ABCA13: variants seen among roughly 807,000 people sequenced by gnomAD.
ABCA13 encodes the protein ATP binding cassette subfamily A member 13.
Under a neutral mutation model 478.7 loss-of-function variants are expected in ABCA13, and 476 were observed. The observed-to-expected ratio is 0.99, with a 90% CI of 0.92 to 1.07. The LOEUF (loss-of-function observed/expected upper bound fraction) is 1.07. ABCA13 is among the 50% of genes least tolerant of loss of function. The pLI is 0.00. For missense variants in ABCA13, 6,060 were observed against 5,910.6 expected, an observed-to-expected ratio of 1.03 and a Z score of -0.83; for synonymous variants, 2,252 against 2,158.9, an observed-to-expected ratio of 1.04 and a Z score of -1.20.
intron 58 of ABCA13, among the ~76,000 whole-genome samples, chr7:48,599,874 A>G (rs1209790457): frequency 6.6e-6 from 1 of 152,106 alleles, no homozygotes; most frequent in Non-Finnish European, 1.5e-5. Context: ...TTGTCTATGC[A>G]AAGGAATATG....
At chr7:48,464,169 A>T (rs1826612693) in intron 43 of ABCA13, among the ~76,000 whole-genome samples, 1 of 152,218 alleles carries the variant, frequency 6.6e-6, no homozygotes, top group African/African-American at 2.4e-5. Context: ...TAACATAGAG[A>T]TTTACTTTAA....
intron 31 of ABCA13, among the ~76,000 whole-genome samples, chr7:48,356,734 A>G (rs1391955509): frequency 6.6e-6 from 1 of 151,980 alleles, no homozygotes; most frequent in Non-Finnish European, 1.5e-5. Context: ...GATAGGCAGC[A>G]GCAGTTTTTG....
intron 45 of ABCA13, among the ~76,000 whole-genome samples, chr7:48,474,882 GT>G (rs1827910749): frequency 1.3e-5 from 2 of 152,176 alleles, no homozygotes; most frequent in Admixed American, 6.5e-5. Context: ...AATGATTGGT[GT>G]TTATGTTCCT....
At chr7:48,358,942 CT>C (rs1380386472) in intron 31 of ABCA13, among the ~76,000 whole-genome samples, 5 of 152,046 alleles carry the variant, frequency 3.3e-5, no homozygotes, top group African/African-American at 1.2e-4. Flanking sequence ...CTCTTTCGAG[CT>C]TCCTGGATCC....
intron 41 of ABCA13, among the ~76,000 whole-genome samples, chr7:48,413,327 C>T (rs911195596): frequency 1.3e-5 from 2 of 152,160 alleles, no homozygotes; most frequent in Non-Finnish European, 2.9e-5. Flanking sequence ...TGGTGAGCTC[C>T]CATCCCCCAG....
intron 58 of ABCA13, among the ~76,000 whole-genome samples, chr7:48,596,131 G>C (rs1188465959): frequency 1.3e-5 from 2 of 152,210 alleles, no homozygotes; most frequent in African/African-American, 4.8e-5. Context: ...GCCATTTCCT[G>C]TAACAAGTGT....
At chr7:48,269,919 A>T (rs532103902) in intron 16 of ABCA13, among the ~76,000 whole-genome samples, 1 of 152,328 alleles carries the variant, frequency 6.6e-6, no homozygotes, top group Admixed American at 6.5e-5. Flanking sequence ...GGACAATGGG[A>T]TGGATCCTCT....
intron 55 of ABCA13, among the ~76,000 whole-genome samples, chr7:48,547,760 A>T (rs1784951017): frequency 7.9e-5 from 12 of 151,928 alleles, no homozygotes; most frequent in Admixed American, 7.9e-4. Flanking sequence ...TCAGGACTTT[A>T]TTATGAAATA....
At position 48,410,608 on chromosome 7, in the gene ABCA13, G is replaced by A; in HGVS notation, c.12159G>A (p.Arg4053=). The change falls in exon 40 of 62, where the codon AGG becomes AGA. Residue 4053 remains arginine (R), a synonymous_variant. Transcript: ENST00000435803. ...RVAVLQHGRL[R]CCGPPFCLKE... The stretch of plus-strand genomic sequence containing the variant: ...CCGTCCTCCAGCATGGGAGGCTCAG[G>A]TGCTGCGGTCCTCCCTTCTGCCTGA... 6.2e-7 allele frequency: 1 copy of A among 1,614,036 alleles called. No homozygotes were observed.
At chr7:48,441,124 C>G (rs951042866) in intron 42 of ABCA13, among the ~76,000 whole-genome samples, 1 of 152,172 alleles carries the variant, frequency 6.6e-6, no homozygotes, top group Non-Finnish European at 1.5e-5. Context: ...TCAAATTCCT[C>G]CTATAAAACT....
At chr7:48,261,128 A>C (rs1375126432) in intron 15 of ABCA13, among the ~76,000 whole-genome samples, 1 of 151,902 alleles carries the variant, frequency 6.6e-6, no homozygotes. Flanking sequence ...TCTGTCTGAA[A>C]TTTTTAGGCT....
intron 48 of ABCA13, among the ~76,000 whole-genome samples, chr7:48,494,350 C>G (rs778086931): frequency 8.5e-5 from 13 of 152,166 alleles, no homozygotes; most frequent in Non-Finnish European, 1.9e-4. Flanking sequence ...TGTAATAGAG[C>G]TACTGAATGA....
intron 58 of ABCA13, among the ~76,000 whole-genome samples, chr7:48,601,875 C>G (rs1210008866): frequency 6.6e-6 from 1 of 152,206 alleles, no homozygotes; most frequent in African/African-American, 2.4e-5. Context: ...CACATCCTCT[C>G]CAGCATCTGT....
chr7:48,476,535 A>G (rs1053983378), intron 45 of ABCA13, among the ~76,000 whole-genome samples: 1 of 150,644 alleles, frequency 6.6e-6, no homozygotes, highest in African/African-American at 2.5e-5. Flanking sequence ...GGGGTTGGGG[A>G]GCGGGGAGCT....
chr7:48,439,534 A>G (rs1010915187), intron 42 of ABCA13, among the ~76,000 whole-genome samples: 1 of 152,202 alleles, frequency 6.6e-6, no homozygotes, highest in Non-Finnish European at 1.5e-5. Flanking sequence ...TCTTGACATA[A>G]ACAGTATCCC....
chr7:48,271,969 T>A lies in ABCA13; in HGVS notation c.2303T>A (p.Leu768Gln). ...CTCCCATCTCTCACAGAGGATATTC[T>A]GAATATAAGTTCTCTGTGGACAAAT... ...HSLPSLTEDI[L>Q]NISSLWTNHL... The change falls in exon 17 of 62, where the codon CTG becomes CAG. Residue 768 changes from leucine to glutamine, a missense_variant. Around this residue, in one of 3 missense-constraint regions of ABCA13, gnomAD observed 4,423 missense variants for 4,309.1 expected, o/e 1.03. Transcript: ENST00000435803. 6.2e-7 allele frequency: 1 copy of A among 1,613,672 alleles called. No individual in the cohort carries two copies. The highest frequency in any genetic ancestry group is 1.1e-5 in the South Asian group (1 of 91,062).
intron 3 of ABCA13, among the ~76,000 whole-genome samples, chr7:48,218,555 A>G (rs1291523860): frequency 6.6e-6 from 1 of 152,168 alleles, no homozygotes; most frequent in African/African-American, 2.4e-5. Context: ...CAAAACAAAA[A>G]CAGGTGAGAT....
At chr7:48,323,671 C>T (rs1175582553) in intron 27 of ABCA13, among the ~76,000 whole-genome samples, 1 of 152,172 alleles carries the variant, frequency 6.6e-6, no homozygotes, top group African/African-American at 2.4e-5. Flanking sequence ...TTAGCTTGAC[C>T]AGGGTCACAC....
chr7:48,333,356 A>T (rs1805703916), intron 27 of ABCA13, among the ~76,000 whole-genome samples: 1 of 152,112 alleles, frequency 6.6e-6, no homozygotes, highest in African/African-American at 2.4e-5. Context: ...CTTCAAGACA[A>T]TTTGTAATTG....
Sources: allele counts gnomAD v4.1 joint callset (sites outside exome capture counted in the v4.1 genomes callset), GRCh38; gene constraint gnomAD v4.1.1; regional missense constraint gnomAD v4.1.1; transcripts MANE v1.5; gene names NCBI Gene and HGNC (gene_info 2026-07-23, HGNC 2026-07-21).